JPH3: variants seen among roughly 807,000 people sequenced by gnomAD.
JPH3 encodes junctophilin 3.
In JPH3, 11 loss-of-function variants were observed where a neutral mutation model predicts 59.6. The ratio of observed to expected loss-of-function variants is 0.18; its 90% CI spans 0.12 to 0.31. The LOEUF is 0.31. JPH3 is among the 10% of genes least tolerant of loss of function. JPH3 has a pLI of 1.00. For synonymous variants in JPH3, 673 were observed against 483.6 expected (o/e 1.39, Z -5.14); for missense variants, 1,202 against 1,105.7 (o/e 1.09, Z -1.24).
At position 87,697,504 on chromosome 16, in the gene JPH3, G is replaced by A. The variant is rs1001324200; in HGVS notation, c.*844G>A. ...AGCTGGGCTCGCGCCGGGGCTCTGGGTGTGTGCGCTTGGCGTGCAGGGTGG... is the reference window on the plus strand; with the variant it reads ...AGCTGGGCTCGCGCCGGGGCTCTGGATGTGTGCGCTTGGCGTGCAGGGTGG... On this transcript the variant is annotated 3_prime_UTR_variant, in exon 5 of 5. Coordinates refer to ENST00000284262, the MANE Select transcript of JPH3 (RefSeq NM_020655.4). 4.6e-5 allele frequency: 7 copies of A among 152,416 alleles called. No homozygotes were observed. The highest frequency in any genetic ancestry group is 1.7e-4 in the African/African-American group (7 of 41,446). The allele number at this position is 152,416 out of a possible 1,614,324, so 9.4% of individuals were successfully genotyped here. A position where few individuals can be genotyped will look rare whatever the true frequency, so the allele number is the denominator to read the frequency against.
Position 87,659,490 on chromosome 16 carries a change from G to C in JPH3, c.1160+14455G>C, listed in dbSNP as rs147750406. Among the ~76,000 whole-genome samples the C allele has an allele frequency of 4.6e-3, 703 of 151,838 alleles. 3 individuals are homozygous for C. Among genetic ancestry groups the C allele is most frequent in the African/African-American group, 0.016 (673 of 41,386 alleles). On this transcript the variant is annotated intron_variant, in intron 2 of 4. Transcript: ENST00000284262. Reference sequence around the variant, plus strand: ...TATAATCCCAGCACTGGGAGGTTGAGGTGGGTGAATCACTTGAGGTCAGGA... The same window carrying C: ...TATAATCCCAGCACTGGGAGGTTGACGTGGGTGAATCACTTGAGGTCAGGA...
Position 87,686,761 on chromosome 16 carries a change from C to A in JPH3, c.1285+2495C>A, listed in dbSNP as rs539901891. ...GGGCTCAGGTCCCTGCAGGAGGGGC[C>A]TTGGGCTGACCTTTTAAGTCCTGAA... On this transcript the variant is annotated intron_variant, in intron 3 of 4. Transcript: ENST00000284262. Among the ~76,000 whole-genome samples, 12 of 152,312 alleles carry A rather than the reference C, an allele frequency of 7.9e-5. 1 individual carries two copies. In the South Asian group the frequency reaches 2.5e-3, roughly 32 times the overall value.
Position 87,643,940 on chromosome 16 carries a change from C to T in JPH3, c.383-318C>T, listed in dbSNP as rs2032041990. Among the ~76,000 whole-genome samples the T allele has an allele frequency of 2.6e-5, 4 of 152,110 alleles. No homozygotes were observed. In the South Asian group the frequency reaches 8.3e-4, roughly 31 times the overall value. On this transcript the variant is annotated intron_variant, in intron 1 of 4. Transcript: ENST00000284262. ...TCACTTGAGCCCATGAGTTAGAAAC[C>T]AGCCTGGCCAACATAATGAGACTGC...
intron 1 of JPH3, among the ~76,000 whole-genome samples, chr16:87,613,580 C>CA (rs1424474743): frequency 6.6e-6 from 1 of 152,214 alleles, no homozygotes; most frequent in Non-Finnish European, 1.5e-5. Context: ...CTCAGCCTCT[C>CA]AAAGTGCTGG....
chr16:87,690,317 C>G lies in JPH3; in HGVS notation c.1957C>G (p.Gln653Glu), dbSNP rs1003287541. ...HRPEDRGFGV[Q>E]RLRSKAQNKE... ...CCCCGAGGACCGGGGCTTCGGGGTG[C>G]AGAGACTGCGGTCCAAGGCCCAGAA... Residue 653 changes from glutamine to glutamate, a missense_variant, in exon 4 of 5, where the codon CAG becomes GAG. By Grantham distance (29) the Gln-to-Glu change is conservative. Coordinates refer to ENST00000284262, the MANE Select transcript of JPH3 (RefSeq NM_020655.4). The G allele has an allele frequency of 3.8e-6, 6 of 1,592,790 alleles. No homozygotes were observed. The African/African-American group carries it at 8.1e-5, about 21-fold the overall frequency.
At chr16:87,631,758 A>G (rs1020304272) in intron 1 of JPH3, among the ~76,000 whole-genome samples, 4 of 149,240 alleles carry the variant, frequency 2.7e-5, no homozygotes, top group Admixed American at 2.7e-4. Flanking sequence ...TTGCCTACCT[A>G]CCTCTTTTTT....
Position 87,644,497 on chromosome 16 carries a change from A to G in JPH3, c.622A>G (p.Lys208Glu). 6.2e-7 allele frequency: 1 copy of G among 1,612,886 alleles called. No homozygotes were observed. The highest frequency in any genetic ancestry group is 8.5e-7 in the Non-Finnish European group (1 of 1,179,844). Residue 208 changes from lysine (K) to glutamate (E), a missense_variant, in exon 2 of 5, where the codon AAG (lysine) becomes GAG (glutamate). Lys to Glu is a moderately conservative substitution (Grantham distance 56, BLOSUM62 1). Coordinates refer to ENST00000284262, the MANE Select transcript of JPH3 (RefSeq NM_020655.4). ...GGCCCACAGTGACTCCGAGATCCTC[A>G]AGAGCAAGAAGAAGGGGCTGTTTCG... ...LVAHSDSEIL[K>E]SKKKGLFRRS...
At chr16:87,682,211 G>T (rs1213543970) in intron 2 of JPH3, among the ~76,000 whole-genome samples, 1 of 149,456 alleles carries the variant, frequency 6.7e-6, no homozygotes, top group Non-Finnish European at 1.5e-5. Context: ...GTATGTAAAT[G>T]TCATAGGTTT....
chr16:87,602,412 CCGGGGGCGGGGG>C (rs1319975421), upstream of JPH3, among the ~76,000 whole-genome samples: 185 of 26,184 alleles, frequency 7.1e-3, 1 homozygote, highest in Non-Finnish European at 0.011. Context: ...CCGCCGCGCT[CCGGGGGCGGGGG>C]CGGGGGCGGG....
chr16:87,612,786 CGGGCGGAGGCCGAGGA>C lies in JPH3; in HGVS notation c.382+9261_382+9276del, dbSNP rs766094387. Among the ~76,000 whole-genome samples the C allele has an allele frequency of 9.9e-5, 15 of 152,110 alleles. No homozygotes were observed. In the East Asian group the frequency reaches 2.9e-3, roughly 30 times the overall value. On this transcript the variant is annotated intron_variant, in intron 1 of 4. Coordinates refer to ENST00000284262, the MANE Select transcript of JPH3 (RefSeq NM_020655.4). ...ATCCCAGCACTTTGGGAGGCCGAGG[CGGGCGGAGGCCGAGGA>C]GGTCAGGAGATTGAGACCATCCTGG...
At chr16:87,631,291 A>G (rs1418564833) in intron 1 of JPH3, among the ~76,000 whole-genome samples, 1 of 152,198 alleles carries the variant, frequency 6.6e-6, no homozygotes. Flanking sequence ...ATCCTGGAGT[A>G]GCTTCCTAAG....
chr16:87,695,773 A>G (rs1339604538), intron 4 of JPH3: 1 of 456,132 alleles, frequency 2.2e-6, no homozygotes, highest in East Asian at 6.9e-5. Context: ...CAGGACTGCA[A>G]GAATCACTGC....
chr16:87,672,168 T>C (rs1039062605), intron 2 of JPH3, among the ~76,000 whole-genome samples: 1 of 151,952 alleles, frequency 6.6e-6, no homozygotes, highest in Non-Finnish European at 1.5e-5. Context: ...AGTCTAAACA[T>C]AGGCTGTGGC....
intron 1 of JPH3, among the ~76,000 whole-genome samples, chr16:87,614,465 C>T (rs960991139): frequency 1.3e-5 from 2 of 151,686 alleles, no homozygotes; most frequent in African/African-American, 4.8e-5. Context: ...AGGATAAGTG[C>T]TGGTCCCTGC....
At position 87,668,220 on chromosome 16, in the gene JPH3, G is replaced by A. The variant is rs8044789; in HGVS notation, c.1161-15922G>A. On this transcript the variant is annotated intron_variant, in intron 2 of 4. Transcript: ENST00000284262. ...GCTCTGGCCTCTTCACCAGCCCTGC[G>A]CGGCTGCTGGATCTGGAGGCCGGAG... Among the ~76,000 whole-genome samples the A allele has an allele frequency of 7.4e-3, 1,122 of 152,296 alleles. 12 individuals are homozygous for A. The highest frequency in any genetic ancestry group is 0.026 in the African/African-American group (1,069 of 41,564).
chr16:87,653,202 TG>T (rs1342685885), intron 2 of JPH3, among the ~76,000 whole-genome samples: 1 of 152,216 alleles, frequency 6.6e-6, no homozygotes, highest in African/African-American at 2.4e-5. Context: ...AGTGTGGCTC[TG>T]GGGGTGTGTA....
At chr16:87,677,216 AC>A (rs1567610751) in intron 2 of JPH3, among the ~76,000 whole-genome samples, 25 of 119,268 alleles carry the variant, frequency 2.1e-4, no homozygotes, top group East Asian at 5.6e-4. Flanking sequence ...ACACACACAC[AC>A]ACACACACAA....
chr16:87,626,225 C>T (rs115316003), intron 1 of JPH3, among the ~76,000 whole-genome samples: 2,335 of 152,222 alleles, frequency 0.015, 53 homozygotes, highest in African/African-American at 0.044. Context: ...GGGTGGGAAT[C>T]ATTTTTATCC....
intron 1 of JPH3, among the ~76,000 whole-genome samples, chr16:87,626,866 A>C (rs2031397831): frequency 6.6e-6 from 1 of 152,212 alleles, no homozygotes; most frequent in African/African-American, 2.4e-5. Flanking sequence ...AGAGGAGGGC[A>C]TGGTGGCTCA....
Sources: allele counts gnomAD v4.1 joint callset (sites outside exome capture counted in the v4.1 genomes callset), GRCh38; gene constraint gnomAD v4.1.1; transcripts MANE v1.5; gene names NCBI Gene and HGNC (gene_info 2026-07-23, HGNC 2026-07-21).